The following LMO2 variants were observed in gnomAD, a reference collection of about 807,000 sequenced individuals.
LMO2 encodes LIM domain only 2.
Under a neutral mutation model 23.2 loss-of-function variants are expected in LMO2, and 20 were observed. The ratio of observed to expected loss-of-function variants is 0.86; its 90% CI spans 0.61 to 1.25. The LOEUF (loss-of-function observed/expected upper bound fraction) is 1.25. LMO2 is among the 50% of genes most tolerant of loss of function. The pLI, the probability that LMO2 is intolerant of heterozygous loss-of-function variation, is 0.00. For synonymous variants in LMO2, 123 were observed against 130.2 expected, an observed-to-expected ratio of 0.94 and a Z score of 0.38; for missense variants, 270 against 315.3, an observed-to-expected ratio of 0.86 and a Z score of 1.09.
At chr11:33,861,494 T>C (rs541234024) in intron 5 of LMO2, among the ~76,000 whole-genome samples, 1 of 152,194 alleles carries the variant, frequency 6.6e-6, no homozygotes, top group Non-Finnish European at 1.5e-5. Context: ...GATCTCTGAG[T>C]GTTTTCAAAG....
chr11:33,865,524 T>G (rs1008751639), intron 4 of LMO2, among the ~76,000 whole-genome samples: 1 of 152,258 alleles, frequency 6.6e-6, no homozygotes, highest in African/African-American at 2.4e-5. Flanking sequence ...AAATCCCATA[T>G]CGTAAGGCCA....
intron 3 of LMO2, 57 bp downstream of exon 3, chr11:33,869,653 G>A (rs1856939619): frequency 4.0e-6 from 5 of 1,258,442 alleles, no homozygotes; most frequent in South Asian, 2.4e-5. Context: ...GGCGGGGGCC[G>A]GGGCGCGCAG....
Position 33,880,883 on chromosome 11 carries a change from G to A in LMO2, c.-272+941C>T. On this transcript the variant is annotated intron_variant, in intron 2 of 5. Transcript: ENST00000257818. This position sits in a 1 kb window ranked among gnomAD's most constrained non-coding sequence, Gnocchi z 4.3. Reference sequence around the variant, plus strand: ...AACACATTCTTCAGTGCAATCAGTGGCAATCCCTGCCCACTTAGGACTTTT... The same window carrying A: ...AACACATTCTTCAGTGCAATCAGTGACAATCCCTGCCCACTTAGGACTTTT... 3.5e-6 allele frequency: 1 copy of A among 286,042 alleles called. No individual in the cohort carries two copies. Among genetic ancestry groups the A allele is most frequent in the Non-Finnish European group, 6.9e-6 (1 of 144,928 alleles). The allele number at this position is 286,042 out of a possible 1,614,324, so 17.7% of individuals were successfully genotyped here.
intron 5 of LMO2, 88 bp from the exon 6 acceptor site, chr11:33,859,663 C>T (rs943927302): frequency 6.4e-6 from 8 of 1,246,838 alleles, no homozygotes; most frequent in East Asian, 2.4e-5. Context: ...GAAAGGAGGC[C>T]GAACTTTCAG....
chr11:33,874,847 A>G (rs1035165798), intron 2 of LMO2, among the ~76,000 whole-genome samples: 1 of 152,196 alleles, frequency 6.6e-6, no homozygotes, highest in African/African-American at 2.4e-5. Context: ...TTCCCCTCCA[A>G]CAACTTTCAA....
rs193015406 is a variant in LMO2, at chr11:33,861,978, T to C, written c.465-2403A>G. On this transcript the variant is annotated intron_variant, in intron 5 of 5. Transcript: ENST00000257818. ...GCTCTGGGATTCGGAGATTCTAATA[T>C]TAGTAAAAAATAAGCCGGGACTTGA... is the stretch of plus-strand genomic sequence containing the variant. Among the ~76,000 whole-genome samples the C allele has an allele frequency of 1.3e-3, 202 of 152,254 alleles. 3 individuals carry two copies. The Middle Eastern group carries it at 0.014, about 10-fold the overall frequency.
At chr11:33,886,744 A>T (rs1203016226) in intron 1 of LMO2, among the ~76,000 whole-genome samples, 5 of 152,206 alleles carry the variant, frequency 3.3e-5, no homozygotes, top group Admixed American at 3.3e-4. Flanking sequence ...ATTTCAGAAC[A>T]CGAATGTTGG....
chr11:33,882,346 T>C (rs1208486255), intron 1 of LMO2, among the ~76,000 whole-genome samples: 1 of 152,150 alleles, frequency 6.6e-6, no homozygotes, highest in African/African-American at 2.4e-5. Flanking sequence ...CTCTTATCCC[T>C]CTGAGTCTCA....
chr11:33,877,712 G>T (rs1324269623), intron 2 of LMO2, among the ~76,000 whole-genome samples: 3 of 151,824 alleles, frequency 2.0e-5, no homozygotes, highest in Non-Finnish European at 4.4e-5. Flanking sequence ...TGATCTACAC[G>T]CCTTGGCCTC....
chr11:33,871,006 G>A (rs1857005807), intron 2 of LMO2: 7 of 933,928 alleles, frequency 7.5e-6, no homozygotes, highest in African/African-American at 3.6e-5. Flanking sequence ...ATTTGTGCGT[G>A]ATGCCAGTCA....
Position 33,859,292 on chromosome 11 carries a change from C to T in LMO2, c.*64G>A, listed in dbSNP as rs17768216. 28,712 of 1,264,750 alleles carry T rather than the reference C, an allele frequency of 0.023. 471 individuals are homozygous for T. The highest frequency in any genetic ancestry group is 0.069 in the Admixed American group (3,776 of 54,784). The allele number at this position is 1,264,750 out of a possible 1,614,324, so 78.3% of individuals were successfully genotyped here. ...CCCCCAAAGTGCCTAAGAGTGAAGA[C>T]GAAGATGCCATGGAGACGGCGTCTT... On this transcript the variant is annotated 3_prime_UTR_variant, in exon 6 of 6. Transcript: ENST00000257818.
intron 1 of LMO2, among the ~76,000 whole-genome samples, chr11:33,885,161 A>G (rs886296693): frequency 1.3e-5 from 2 of 152,132 alleles, no homozygotes; most frequent in South Asian, 4.1e-4. Context: ...GAGTTTAGGT[A>G]TTTGGGACGT....
intron 2 of LMO2, chr11:33,870,306 G>C: frequency 1.0e-6 from 1 of 953,360 alleles, no homozygotes; most frequent in South Asian, 4.8e-5. Context: ...AACAGCTCGA[G>C]CAAGCAAGAA....
rs545814245 is a variant in LMO2, at chr11:33,885,305, T to C, written c.-335-3418A>G. Among the ~76,000 whole-genome samples, 48 of 152,260 alleles carry C rather than the reference T, an allele frequency of 3.2e-4. No individual in the cohort carries two copies. The South Asian group carries it at 5.6e-3, about 18-fold the overall frequency. ...GTGTGGGCCTAGGAAGATACAAGCA[T>C]AGGCATGTATTTATACATTTGGATA... On this transcript the variant is annotated intron_variant, in intron 1 of 5. Transcript: ENST00000257818.
Position 33,869,448 on chromosome 11 carries a change from G to C in LMO2, c.146C>G (p.Ala49Gly), listed in dbSNP as rs1856921842. 1 of 1,195,770 alleles carries C rather than the reference G, an allele frequency of 8.4e-7. No homozygotes were observed. The highest frequency in any genetic ancestry group is 4.6e-5 in the Admixed American group (1 of 21,814). 74.1% of individuals were successfully genotyped at this position (1,195,770 alleles called of 1,614,324 possible). The change falls in exon 4 of 6, where the codon GCC (alanine) becomes GGC (glycine). Residue 49 changes from alanine (A) to glycine (G), a missense_variant. This residue lies in a region of LMO2 where 170 missense variants were observed against 162.0 expected (regional missense o/e 1.05). Coordinates refer to ENST00000257818, the MANE Select transcript of LMO2 (RefSeq NM_005574.4). ...TCCCTTTGTGGCGCGGGGCTGGCCG[G>C]CTGCCGGGGCTCGGACCCCCTCGGG... ...RAPEGVRAPA[A>G]GQPRATKGAP... is the part of the protein sequence containing the mutation.
Position 33,864,608 on chromosome 11 carries a change from T to C in LMO2, c.458A>G (p.Tyr153Cys), listed in dbSNP as rs1161528786. 1.2e-6 allele frequency: 2 copies of C among 1,612,716 alleles called. No homozygotes were observed. Among genetic ancestry groups the C allele is most frequent in the Non-Finnish European group, 1.7e-6 (2 of 1,179,476 alleles). ...KLGRKLCRRD[Y>C]LRLFGQDGLC... ...GGAGTGCCGGGGAGGGTACCTGAGA[T>C]AGTCTCTCCGGCAGAGCTTCCGGCC... Residue 153 changes from tyrosine (Y) to cysteine (C), a missense_variant, in exon 5 of 6, where the codon TAT becomes TGT. By Grantham distance (194) the Tyr-to-Cys change is radical. Coordinates refer to ENST00000257818, the MANE Select transcript of LMO2 (RefSeq NM_005574.4). This position sits in a 1 kb window ranked among gnomAD's most constrained non-coding sequence, Gnocchi z 4.8.
chr11:33,870,233 C>T (rs1462769414), intron 2 of LMO2: 1 of 551,790 alleles, frequency 1.8e-6, no homozygotes, highest in South Asian at 7.9e-5. Context: ...CTAAATCATT[C>T]TTCAGGGCTT....
At chr11:33,868,889 G>A (rs1856886984) in intron 4 of LMO2, among the ~76,000 whole-genome samples, 1 of 152,218 alleles carries the variant, frequency 6.6e-6, no homozygotes, top group Admixed American at 6.5e-5. Flanking sequence ...CCGGGAAGGC[G>A]GCCGTTGGGG....
intron 1 of LMO2, among the ~76,000 whole-genome samples, chr11:33,886,027 C>T (rs566887465): frequency 2.6e-5 from 4 of 152,176 alleles, no homozygotes; most frequent in African/African-American, 9.7e-5. Flanking sequence ...AGGTGCCCAC[C>T]ACCAAGCTTG....
Sources: gnomAD v4.1 joint callset for allele counts (sites outside exome capture counted in the v4.1 genomes callset) on GRCh38, gnomAD v4.1.1 for gene constraint, gnomAD v4.1.1 regional missense constraint, Gnocchi (gnomAD v3.1) non-coding constraint, MANE v1.5 for transcripts, NCBI Gene and HGNC (gene_info 2026-07-23, HGNC 2026-07-21) for gene names.